Variants in POM121 observed in about 807,000 individuals in gnomAD.
The protein encoded by POM121 is nuclear envelope pore membrane protein POM 121.
POM121 carries 32 observed loss-of-function variants against 81.3 expected under a neutral mutation model. The observed-to-expected ratio is 0.39, with a 90% CI of 0.30 to 0.53. The LOEUF is 0.53. Among genes scored for constraint, POM121 ranks in the 20% least tolerant of loss-of-function variants. The probability of loss-of-function intolerance (pLI) is 0.66; values close to 1 mark genes in which losing one functional copy is unlikely to be tolerated. For synonymous variants in POM121, 514 were observed against 694.2 expected, an observed-to-expected ratio of 0.74 and a Z score of 4.08; for missense variants, 1,138 against 1,614.6, an observed-to-expected ratio of 0.70 and a Z score of 5.06.
At chr7:72,922,930 C>G (rs1220681854), upstream of POM121, among the ~76,000 whole-genome samples, 2 of 152,036 alleles carry the variant, frequency 1.3e-5, no homozygotes, top group Non-Finnish European at 2.9e-5. Context: ...TAAAGAGCCC[C>G]TACTGACCTA....
At chr7:72,879,998 C>G in intron 1 of POM121, 1 of 381,568 alleles carries the variant, frequency 2.6e-6, no homozygotes, top group South Asian at 1.9e-5. Context: ...GCCGGAGAGA[C>G]ATGTGTTGGG....
intron 3 of POM121, among the ~76,000 whole-genome samples, chr7:72,892,406 A>G (rs1172309236): frequency 6.6e-5 from 10 of 152,030 alleles, no homozygotes; most frequent in African/African-American, 2.4e-4. Flanking sequence ...CTCACCTCCC[A>G]GTATTTGATT....
downstream of POM121, chr7:72,949,839 C>T: frequency 6.9e-7 from 1 of 1,458,492 alleles, no homozygotes; most frequent in Non-Finnish European, 9.6e-7. Flanking sequence ...CCTCCTGTGG[C>T]ACTCACCCTT....
intron 3 of POM121, 78 bp downstream of exon 3, chr7:72,927,041 A>G (rs1332484543): frequency 1.2e-6 from 2 of 1,605,286 alleles, no homozygotes; most frequent in African/African-American, 2.7e-5. Flanking sequence ...TCCCATATAG[A>G]TACAGAGGCC....
intron 3 of POM121, among the ~76,000 whole-genome samples, chr7:72,901,643 G>A (rs558575874): frequency 4.5e-4 from 68 of 150,914 alleles, no homozygotes; most frequent in Middle Eastern, 3.5e-3. Context: ...ATGAGCCACT[G>A]TGCCTGGCCC....
At chr7:72,900,112 T>A (rs1375521624) in intron 3 of POM121, among the ~76,000 whole-genome samples, 1 of 152,216 alleles carries the variant, frequency 6.6e-6, no homozygotes, top group Admixed American at 6.5e-5. Context: ...GCTCACTAGG[T>A]GCTTCTGATT....
chr7:72,920,237 T>G (rs781893439), upstream of POM121, among the ~76,000 whole-genome samples: 5 of 152,096 alleles, frequency 3.3e-5, no homozygotes, highest in Admixed American at 6.6e-5. Context: ...AAATAAGGAT[T>G]GATTGGTTGT....
intron 1 of POM121, among the ~76,000 whole-genome samples, chr7:72,888,329 C>T (rs1554490367): frequency 1.3e-5 from 2 of 152,120 alleles, no homozygotes; most frequent in African/African-American, 4.8e-5. Context: ...AAACTGGTAT[C>T]TCTGTATTAT....
chr7:72,937,355 T>C (rs1796614430), intron 5 of POM121, among the ~76,000 whole-genome samples: 1 of 152,076 alleles, frequency 6.6e-6, no homozygotes, highest in East Asian at 1.9e-4. Context: ...ATATATTCAA[T>C]CCTTGGATCC....
chr7:72,923,993 T>TG (rs1187092533), upstream of POM121, among the ~76,000 whole-genome samples: 2 of 150,734 alleles, frequency 1.3e-5, no homozygotes, highest in Admixed American at 6.6e-5. Context: ...TCGCCCAGGT[T>TG]GGAGTGCAGT....
At chr7:72,939,805 G>A in intron 7 of POM121, 42 bp from the exon 8 acceptor site, 1 of 1,610,998 alleles carries the variant, frequency 6.2e-7, no homozygotes, top group Non-Finnish European at 8.5e-7. Flanking sequence ...TCCATTTCTG[G>A]AAGAGGGAAG....
At chr7:72,945,729 T>C (rs1554503061) in intron 12 of POM121, 21 bp downstream of exon 12, 1 of 1,605,446 alleles carries the variant, frequency 6.2e-7, no homozygotes, top group Non-Finnish European at 8.5e-7. Context: ...AGCCACCCTG[T>C]GGCCCTGCTC....
rs1797267920 is a variant in POM121, at chr7:72,943,024, C to T, written c.3031C>T (p.Pro1011Ser). 2 of 1,613,884 alleles carry T rather than the reference C, an allele frequency of 1.2e-6. No homozygotes were observed. Among genetic ancestry groups the T allele is most frequent in the African/African-American group, 1.3e-5 (1 of 75,070 alleles). The change falls in exon 11 of 13, where the codon CCT (proline) becomes TCT (serine). Residue 1011 changes from proline (P) to serine (S), a missense_variant. Physicochemically the swap from Pro to Ser is moderately conservative, Grantham distance 74. Coordinates refer to ENST00000434423, the MANE Select transcript of POM121 (RefSeq NM_001387691.1). ...AAPAAAPTPA[P>S]PSMIKVVPAY... ...CCCGGCTGCTGCACCCACACCTGCA[C>T]CTCCGTCCATGATCAAGGTCGTGCC...
At chr7:72,880,509 T>C (rs527444684) in intron 1 of POM121, among the ~76,000 whole-genome samples, 1 of 152,184 alleles carries the variant, frequency 6.6e-6, no homozygotes, top group South Asian at 2.1e-4. Context: ...AACAAAACCA[T>C]ATTTTATACA....
chr7:72,931,916 CATT>C (rs1412564652), intron 5 of POM121, among the ~76,000 whole-genome samples: 2 of 151,968 alleles, frequency 1.3e-5, no homozygotes, highest in East Asian at 1.9e-4. Flanking sequence ...TTAACACTGT[CATT>C]ATTAAGACGG....
intron 7 of POM121, 81 bp from the exon 8 acceptor site, chr7:72,939,766 G>A (rs1347698591): frequency 9.3e-6 from 15 of 1,610,612 alleles, no homozygotes; most frequent in Non-Finnish European, 1.3e-5. Context: ...AAAACTCAAT[G>A]TGAAATGCGA....
intron 3 of POM121, among the ~76,000 whole-genome samples, chr7:72,899,790 A>G (rs1792406260): frequency 6.6e-6 from 1 of 151,878 alleles, no homozygotes; most frequent in Non-Finnish European, 1.5e-5. Flanking sequence ...TGTGTTAGCC[A>G]GGATGGTCTC....
chr7:72,890,983 T>C, exon 3 of POM121: 1 of 1,260,024 alleles, frequency 7.9e-7, no homozygotes, highest in Non-Finnish European at 1.1e-6. Flanking sequence ...CCGAGCAACT[T>C]GCCCAAGTCC....
upstream of POM121, among the ~76,000 whole-genome samples, chr7:72,921,813 T>C (rs1794841285): frequency 6.6e-6 from 1 of 152,216 alleles, no homozygotes; most frequent in Non-Finnish European, 1.5e-5. Flanking sequence ...TATTTTATTA[T>C]ATGAATTATA....
Sources: gnomAD v4.1 joint callset for allele counts (sites outside exome capture counted in the v4.1 genomes callset) on GRCh38, gnomAD v4.1.1 for gene constraint, MANE v1.5 for transcripts, NCBI Gene and HGNC (gene_info 2026-07-23, HGNC 2026-07-21) for gene names.